CNTNAP5: variants seen among roughly 807,000 people sequenced by gnomAD.
The protein encoded by CNTNAP5 is contactin-associated protein-like 5.
CNTNAP5 carries 72 observed loss-of-function variants against 150.2 expected under a neutral mutation model. The ratio of observed to expected loss-of-function variants is 0.48; its 90% CI spans 0.40 to 0.58. The LOEUF is 0.58. Ranked by LOEUF, CNTNAP5 falls within the 20% of genes least tolerant of loss-of-function variation. CNTNAP5 has a pLI of 0.00. For missense variants in CNTNAP5, 1,636 were observed against 1,626.2 expected, an observed-to-expected ratio of 1.01 and a Z score of -0.10; for synonymous variants, 672 against 619.8, an observed-to-expected ratio of 1.08 and a Z score of -1.25.
chr2:124,655,372 A>T (rs1678421359), intron 13 of CNTNAP5, among the ~76,000 whole-genome samples: 1 of 151,830 alleles, frequency 6.6e-6, no homozygotes, highest in Admixed American at 6.6e-5. Flanking sequence ...TATGTGCCAC[A>T]TTTTCTTAAT....
At chr2:124,027,397 G>A (rs1260029102) in intron 1 of CNTNAP5, among the ~76,000 whole-genome samples, 2 of 152,198 alleles carry the variant, frequency 1.3e-5, no homozygotes, top group African/African-American at 2.4e-5. Context: ...GCCTATCTGA[G>A]AAGAGTGAAT....
At chr2:124,497,215 T>C (rs1694170686) in intron 7 of CNTNAP5, among the ~76,000 whole-genome samples, 1 of 152,174 alleles carries the variant, frequency 6.6e-6, no homozygotes, top group Non-Finnish European at 1.5e-5. Context: ...GAGTCACTAA[T>C]AGTAAACAGT....
In CNTNAP5 at chr2:124,510,279, C is replaced by CTATATATATA. The variant is rs1238288039; in HGVS notation, c.1327+5728_1327+5729insATATATATAT. ...TATCTATATATCTATATATCTATAT[C>CTATATATATA]TATATCTATATATCTATATATCTAT... On this transcript the variant is annotated intron_variant, in intron 8 of 23. Coordinates refer to ENST00000682447, the MANE Select transcript of CNTNAP5 (RefSeq NM_001367498.1). Among the ~76,000 whole-genome samples, 7 of 70,990 alleles carry CTATATATATA rather than the reference C, an allele frequency of 9.9e-5. 1 individual carries two copies. Among genetic ancestry groups the CTATATATATA allele is most frequent in the South Asian group, 1.1e-3 (2 of 1,852 alleles). The allele number at this position is 70,990 out of a possible 152,430, so 46.6% of individuals were successfully genotyped here.
chr2:124,301,238 T>A (rs906510560), intron 3 of CNTNAP5, among the ~76,000 whole-genome samples: 2 of 152,204 alleles, frequency 1.3e-5, no homozygotes, highest in African/African-American at 4.8e-5. Context: ...TAGCATGTCA[T>A]CTCCAAAAAC....
chr2:124,876,491 A>C (rs1006323389), intron 21 of CNTNAP5, among the ~76,000 whole-genome samples: 1 of 151,768 alleles, frequency 6.6e-6, no homozygotes, highest in East Asian at 1.9e-4. Flanking sequence ...AGTTATAGCC[A>C]TGGGCTAGGA....
At chr2:124,843,895 T>G (rs1039177998) in intron 19 of CNTNAP5, among the ~76,000 whole-genome samples, 2 of 152,158 alleles carry the variant, frequency 1.3e-5, no homozygotes, top group African/African-American at 2.4e-5. Context: ...TCCTTGTAGA[T>G]TCTGGATATT....
intron 6 of CNTNAP5, among the ~76,000 whole-genome samples, chr2:124,472,764 A>G (rs1294941121): frequency 6.6e-6 from 1 of 151,810 alleles, no homozygotes; most frequent in Non-Finnish European, 1.5e-5. Context: ...TTATATTTGA[A>G]ATATATATGC....
intron 16 of CNTNAP5, among the ~76,000 whole-genome samples, chr2:124,771,259 G>A (rs1477371354): frequency 3.3e-5 from 5 of 152,044 alleles, no homozygotes; most frequent in Non-Finnish European, 7.4e-5. Context: ...CAATTGTGAA[G>A]GTGCCTAGAA....
At chr2:124,405,927 T>C (rs901013555) in intron 3 of CNTNAP5, among the ~76,000 whole-genome samples, 1 of 152,214 alleles carries the variant, frequency 6.6e-6, no homozygotes, top group African/African-American at 2.4e-5. Context: ...AGTGGAAAAT[T>C]AGATTTTTAA....
intron 3 of CNTNAP5, among the ~76,000 whole-genome samples, chr2:124,312,007 T>C (rs923669479): frequency 2.6e-5 from 4 of 151,988 alleles, no homozygotes; most frequent in African/African-American, 4.8e-5. Context: ...TGGTAGAATG[T>C]GATGTGGAAA....
intron 3 of CNTNAP5, among the ~76,000 whole-genome samples, chr2:124,379,218 T>G (rs566447364): frequency 1.2e-4 from 19 of 152,094 alleles, no homozygotes; most frequent in African/African-American, 4.6e-4. Flanking sequence ...AAGGGTGTAC[T>G]CTTGGTGCTG....
At chr2:124,372,709 C>T (rs897854386) in intron 3 of CNTNAP5, among the ~76,000 whole-genome samples, 7 of 152,012 alleles carry the variant, frequency 4.6e-5, no homozygotes, top group African/African-American at 1.2e-4. Context: ...TCTATGCTTA[C>T]GAATGTGTGG....
At chr2:124,416,936 C>CTT (rs70996064) in intron 3 of CNTNAP5, among the ~76,000 whole-genome samples, 108 of 106,570 alleles carry the variant, frequency 1.0e-3, no homozygotes, top group Non-Finnish European at 1.1e-3. Context: ...AGAGGGATTT[C>CTT]TTTTTTTTTT....
At chr2:124,448,554 T>C (rs748050594) in intron 6 of CNTNAP5, among the ~76,000 whole-genome samples, 11 of 152,144 alleles carry the variant, frequency 7.2e-5, no homozygotes, top group Non-Finnish European at 1.3e-4. Flanking sequence ...ACCACAGAGG[T>C]TGACATACAT....
chr2:124,813,945 C>T (rs1438467704), intron 19 of CNTNAP5, among the ~76,000 whole-genome samples: 1 of 151,888 alleles, frequency 6.6e-6, no homozygotes, highest in African/African-American at 2.4e-5. Flanking sequence ...ATTCTTCTCC[C>T]AACCTCTAGG....
intron 10 of CNTNAP5, among the ~76,000 whole-genome samples, chr2:124,552,686 T>C (rs370035891): frequency 6.6e-6 from 1 of 152,244 alleles, no homozygotes; most frequent in Admixed American, 6.5e-5. Flanking sequence ...TGTATTTATG[T>C]ATGCACACAT....
intron 19 of CNTNAP5, among the ~76,000 whole-genome samples, chr2:124,808,495 G>C (rs1682129753): frequency 6.6e-6 from 1 of 151,406 alleles, no homozygotes. Flanking sequence ...GGCTGAGGCA[G>C]AGTAATGGCT....
intron 3 of CNTNAP5, among the ~76,000 whole-genome samples, chr2:124,274,020 C>A (rs1392303134): frequency 2.0e-5 from 3 of 152,174 alleles, no homozygotes; most frequent in Middle Eastern, 6.8e-3. Context: ...CAAATCACCT[C>A]ATTAAAAAAG....
At position 124,911,447 on chromosome 2, in the gene CNTNAP5, A is replaced by G. The variant is rs1361582543; in HGVS notation, c.3656-20A>G. ...TGCTTTGAGTGAGAAGTAAAGTCCC[A>G]TGTCTTTTACTCCTTTCAGATCCTT... On this transcript the variant is annotated intron_variant, in intron 22 of 23. Coordinates refer to ENST00000682447, the MANE Select transcript of CNTNAP5 (RefSeq NM_001367498.1). The G allele has an allele frequency of 1.3e-6, 2 of 1,563,042 alleles. No homozygotes were observed. The highest frequency in any genetic ancestry group is 4.6e-5 in the East Asian group (2 of 43,252).
Sources: gnomAD v4.1 joint callset for allele counts (sites outside exome capture counted in the v4.1 genomes callset) on GRCh38, gnomAD v4.1.1 for gene constraint, MANE v1.5 for transcripts, NCBI Gene and HGNC (gene_info 2026-07-23, HGNC 2026-07-21) for gene names.